PRICKLE2: variants seen among roughly 807,000 people sequenced by gnomAD.
The protein encoded by PRICKLE2 is prickle planar cell polarity protein 2, also known as prickle-like protein 2.
PRICKLE2 carries 21 observed loss-of-function variants against 81.4 expected under a neutral mutation model. The ratio of observed to expected loss-of-function variants is 0.26; its 90% CI spans 0.18 to 0.37. The LOEUF (loss-of-function observed/expected upper bound fraction) is 0.37. PRICKLE2 is among the 10% of genes least tolerant of loss of function. The pLI is 1.00. For missense variants in PRICKLE2, 940 were observed against 1,109.0 expected (o/e 0.85, Z 2.16); for synonymous variants, 456 against 421.5 (o/e 1.08, Z -1.00).
chr3:64,147,696 T>G lies in PRICKLE2; in HGVS notation c.794A>C (p.Asp265Ala), dbSNP rs1394762813. 3 of 1,613,526 alleles carry G rather than the reference T, an allele frequency of 1.9e-6. No individual in the cohort carries two copies. In the South Asian group the frequency reaches 3.3e-5, roughly 18 times the overall value. Reference sequence around the variant, plus strand: ...GCCATCATAGGTCATTTGACCTTGGTCGATACCTAAAAAAATGAGAGACAT... The same window carrying G: ...GCCATCATAGGTCATTTGACCTTGGGCGATACCTAAAAAAATGAGAGACAT... ...CDTCAQHIGI[D>A]QGQMTYDGQH... The change falls in exon 7 of 8, where the codon GAC becomes GCC. Residue 265 changes from aspartate (D) to alanine (A), a missense_variant. By Grantham distance (126) the Asp-to-Ala change is moderately radical. Coordinates refer to ENST00000638394, the MANE Select transcript of PRICKLE2 (RefSeq NM_198859.4). This position sits in a 1 kb window ranked among gnomAD's most constrained non-coding sequence, Gnocchi z 5.0.
intron 2 of PRICKLE2, among the ~76,000 whole-genome samples, chr3:64,257,825 C>T (rs1024944183): frequency 2.6e-5 from 4 of 152,124 alleles, no homozygotes; most frequent in Admixed American, 2.6e-4. Context: ...TAAATCCTAA[C>T]CCCTAAAGTG....
intron 7 of PRICKLE2, chr3:64,145,257 G>C (rs537346453): frequency 6.9e-6 from 1 of 144,990 alleles, no homozygotes; most frequent in Admixed American, 6.9e-5. Context: ...GTGCCACCAA[G>C]TCCAGCTAAT....
At chr3:64,184,953 T>G (rs2078197076) in intron 2 of PRICKLE2, among the ~76,000 whole-genome samples, 1 of 152,230 alleles carries the variant, frequency 6.6e-6, no homozygotes, top group South Asian at 2.1e-4. Context: ...TGCCAAGTGG[T>G]TGGCAAACTT....
Position 64,163,021 on chromosome 3 carries a change from T to G in PRICKLE2, c.253A>C (p.Asn85His), listed in dbSNP as rs2077759910. ...AGCCCCCTCTAGCCCCTTACCTCAT[T>G]GTCATGTGGCGGCAGCTGGTGTAGT... Reference protein sequence around the residue: ...QLLHQLPPHDNEVRYCNSLDE... With the variant: ...QLLHQLPPHDHEVRYCNSLDE... Residue 85 changes from asparagine (N) to histidine (H), a missense_variant, in exon 3 of 8, where the codon AAT (asparagine) becomes CAT (histidine). This residue lies in a region of PRICKLE2 where 270 missense variants were observed against 391.8 expected (regional missense o/e 0.69). Coordinates refer to ENST00000638394, the MANE Select transcript of PRICKLE2 (RefSeq NM_198859.4). 2 of 1,608,462 alleles carry G rather than the reference T, an allele frequency of 1.2e-6. No homozygotes were observed. The highest frequency in any genetic ancestry group is 1.7e-6 in the Non-Finnish European group (2 of 1,174,940).
upstream of PRICKLE2, among the ~76,000 whole-genome samples, chr3:64,227,000 G>A (rs925156389): frequency 1.3e-5 from 2 of 152,250 alleles, no homozygotes; most frequent in South Asian, 2.1e-4. Context: ...GATGAGCTCT[G>A]CCCTTCCAGC....
upstream of PRICKLE2, among the ~76,000 whole-genome samples, chr3:64,230,072 A>G (rs1175337866): frequency 6.6e-6 from 1 of 152,204 alleles, no homozygotes; most frequent in Non-Finnish European, 1.5e-5. Context: ...TTACAACAAC[A>G]GCAGAAGAGA....
At chr3:64,128,999 T>C (rs999119353) in intron 7 of PRICKLE2, among the ~76,000 whole-genome samples, 32 of 152,160 alleles carry the variant, frequency 2.1e-4, no homozygotes, top group Admixed American at 2.0e-3. Context: ...CATTGTGGGA[T>C]GTTTAGCAGC....
intron 6 of PRICKLE2, among the ~76,000 whole-genome samples, chr3:64,152,389 A>G (rs1318899028): frequency 6.6e-6 from 1 of 152,178 alleles, no homozygotes; most frequent in African/African-American, 2.4e-5. Flanking sequence ...AGAAGCCACA[A>G]TGCAGTATGA....
chr3:64,223,972 G>A (rs760614825), intron 1 of PRICKLE2, among the ~76,000 whole-genome samples: 2 of 152,158 alleles, frequency 1.3e-5, no homozygotes, highest in African/African-American at 2.4e-5. Context: ...TTCAGTACAC[G>A]GCAGTCTATG....
intron 1 of PRICKLE2, among the ~76,000 whole-genome samples, chr3:64,212,063 G>A (rs559520680): frequency 6.6e-6 from 1 of 152,306 alleles, no homozygotes; most frequent in South Asian, 2.1e-4. Flanking sequence ...ACTTCGTGAT[G>A]AGTAGACGGA....
intron 2 of PRICKLE2, among the ~76,000 whole-genome samples, chr3:64,241,188 G>A (rs1307609139): frequency 1.3e-5 from 2 of 152,194 alleles, no homozygotes; most frequent in Non-Finnish European, 2.9e-5. Flanking sequence ...GCACCTACAA[G>A]TTGTAGTTTC....
At chr3:64,211,740 GC>G (rs1383965345) in intron 1 of PRICKLE2, among the ~76,000 whole-genome samples, 2 of 152,158 alleles carry the variant, frequency 1.3e-5, no homozygotes, top group African/African-American at 4.8e-5. Context: ...CTTTTGTTAG[GC>G]CATCATTAAT....
chr3:64,147,289 A>G lies in PRICKLE2; in HGVS notation c.1201T>C (p.Tyr401His), dbSNP rs374305597. 28 of 1,613,184 alleles carry G rather than the reference A, an allele frequency of 1.7e-5. No homozygotes were observed. The highest frequency in any genetic ancestry group is 7.7e-5 in the South Asian group (7 of 91,060). ...TGCTCCATCTTGTTCCCATAATGGT[A>G]GGGCTCTTCCCGGCTCCTCCAGATG... ...DPIWRSREEPYHYGNKMEQNQ... is the reference protein window; with the variant it reads ...DPIWRSREEPHHYGNKMEQNQ... The change falls in exon 7 of 8, where the codon TAC (tyrosine) becomes CAC (histidine). Residue 401 changes from tyrosine to histidine, a missense_variant. Transcript: ENST00000638394. This position sits in a 1 kb window ranked among gnomAD's most constrained non-coding sequence, Gnocchi z 5.0.
chr3:64,257,368 T>G (rs1349525219), intron 2 of PRICKLE2, among the ~76,000 whole-genome samples: 2 of 152,042 alleles, frequency 1.3e-5, no homozygotes, highest in Admixed American at 1.3e-4. Flanking sequence ...TTCCAAACAC[T>G]GGGGATGGGA....
intron 1 of PRICKLE2, among the ~76,000 whole-genome samples, chr3:64,222,301 CT>C (rs1220530978): frequency 1.3e-5 from 2 of 152,192 alleles, no homozygotes; most frequent in African/African-American, 4.8e-5. Context: ...CAAAACACAA[CT>C]CTACTAAAGA....
chr3:64,121,630 T>C (rs1209269455), intron 7 of PRICKLE2, among the ~76,000 whole-genome samples: 2 of 152,206 alleles, frequency 1.3e-5, no homozygotes, highest in Admixed American at 6.5e-5. Flanking sequence ...TGAATTTTAA[T>C]GCTTAAAATA....
intron 2 of PRICKLE2, among the ~76,000 whole-genome samples, chr3:64,241,843 C>T (rs981750045): frequency 2.6e-5 from 4 of 152,132 alleles, no homozygotes; most frequent in Admixed American, 2.6e-4. Context: ...TCAGCGTTGG[C>T]CAAAGCAAGG....
intron 7 of PRICKLE2, among the ~76,000 whole-genome samples, chr3:64,116,301 T>C (rs2076933347): frequency 1.3e-5 from 2 of 151,764 alleles, no homozygotes; most frequent in Non-Finnish European, 2.9e-5. Flanking sequence ...GAGAATCAAG[T>C]GCAAAGAAAT....
At chr3:64,246,274 C>T (rs557985028) in intron 2 of PRICKLE2, among the ~76,000 whole-genome samples, 9 of 152,014 alleles carry the variant, frequency 5.9e-5, no homozygotes, top group Admixed American at 1.3e-4. Context: ...AAACTGTACA[C>T]CTCTCTTCCT....
Sources: gnomAD v4.1 joint callset for allele counts (sites outside exome capture counted in the v4.1 genomes callset) on GRCh38, gnomAD v4.1.1 for gene constraint, gnomAD v4.1.1 regional missense constraint, Gnocchi (gnomAD v3.1) non-coding constraint, MANE v1.5 for transcripts, NCBI Gene and HGNC (gene_info 2026-07-23, HGNC 2026-07-21) for gene names.